Variants in DVL3 observed in about 807,000 individuals in gnomAD.
DVL3 encodes the protein segment polarity protein dishevelled homolog DVL-3.
Under a neutral mutation model 67.4 loss-of-function variants are expected in DVL3, and 27 were observed. The ratio of observed to expected loss-of-function variants is 0.40; its 90% CI spans 0.30 to 0.55. The LOEUF is 0.55. Ranked by LOEUF, DVL3 falls within the 20% of genes least tolerant of loss-of-function variation. The pLI is 0.46. For synonymous variants in DVL3, 369 were observed against 396.8 expected (o/e 0.93, Z 0.83); for missense variants, 819 against 1,021.5 (o/e 0.80, Z 2.70).
chr3:184,166,495 T>C lies in DVL3; in HGVS notation c.953T>C (p.Val318Ala). ...ATGAGTAATGACGATGCAGTCCGGG[T>C]ACTGCGGGAGATTGTGCACAAACCG... is the stretch of plus-strand genomic sequence containing the variant. ...ENMSNDDAVRVLREIVHKPGP... is the reference protein window; with the variant it reads ...ENMSNDDAVRALREIVHKPGP... The change falls in exon 9 of 15, where the codon GTA (valine) becomes GCA (alanine). Residue 318 changes from valine (V) to alanine (A), a missense_variant. Val to Ala is a moderately conservative substitution (Grantham distance 64). Around this residue, in one of 3 missense-constraint regions of DVL3, gnomAD observed 385 missense variants for 486.8 expected, o/e 0.79. Coordinates refer to ENST00000313143, the MANE Select transcript of DVL3 (RefSeq NM_004423.4). This position sits in a 1 kb window ranked among gnomAD's most constrained non-coding sequence, Gnocchi z 6.7. 6.2e-7 allele frequency: 1 copy of C among 1,614,134 alleles called. No homozygotes were observed. Among genetic ancestry groups the C allele is most frequent in the Non-Finnish European group, 8.5e-7 (1 of 1,180,034 alleles).
chr3:184,166,512 C>T lies in DVL3; in HGVS notation c.970C>T (p.His324Tyr). The change falls in exon 9 of 15, where the codon CAC becomes TAC. Residue 324 changes from histidine to tyrosine, a missense_variant. His to Tyr is a moderately conservative substitution (Grantham distance 83, BLOSUM62 2). Around this residue, in one of 3 missense-constraint regions of DVL3, gnomAD observed 385 missense variants for 486.8 expected, o/e 0.79. Transcript: ENST00000313143. The surrounding 1 kb of genome is among the most constrained non-coding windows in gnomAD (Gnocchi z 6.7). ...AGTCCGGGTACTGCGGGAGATTGTGCACAAACCGGGGTATGGATGGAATGG... is the reference window on the plus strand; with the variant it reads ...AGTCCGGGTACTGCGGGAGATTGTGTACAAACCGGGGTATGGATGGAATGG... ...DAVRVLREIV[H>Y]KPGPITLTVA... 6.2e-7 allele frequency: 1 copy of T among 1,614,120 alleles called. No individual in the cohort carries two copies. The highest frequency in any genetic ancestry group is 2.2e-5 in the East Asian group (1 of 44,876).
chr3:184,155,602 C>T lies in DVL3; in HGVS notation c.-34C>T, dbSNP rs1158081307. 4.9e-6 allele frequency: 6 copies of T among 1,234,120 alleles called. No individual in the cohort carries two copies. Among genetic ancestry groups the T allele is most frequent in the Non-Finnish European group, 6.1e-6 (6 of 977,376 alleles). The allele number at this position is 1,234,120 out of a possible 1,614,324, so 76.4% of individuals were successfully genotyped here. The stretch of plus-strand genomic sequence containing the variant: ...GGCTCGGCCCGGCCGCCCGAGCAGG[C>T]CGCGCGCGGGCCGCCGGGCCCGAGG... On this transcript the variant is annotated 5_prime_UTR_variant, in exon 1 of 15. Transcript: ENST00000313143. The surrounding 1 kb of genome is among the most constrained non-coding windows in gnomAD (Gnocchi z 5.4).
chr3:184,164,561 C>G lies in DVL3; in HGVS notation c.423C>G (p.Ala141=). Residue 141 remains alanine (A), a synonymous_variant, in exon 4 of 15, where the codon GCC becomes GCG. Coordinates refer to ENST00000313143, the MANE Select transcript of DVL3 (RefSeq NM_004423.4). This position sits in a 1 kb window ranked among gnomAD's most constrained non-coding sequence, Gnocchi z 5.3. ...NDTETDSLVS[A]QRERPRRRDG... ...CAGAGACGGACTCTTTGGTGTCTGCCCAGCGAGAGCGGCCACGCCGGAGGG... is the reference window on the plus strand; with the variant it reads ...CAGAGACGGACTCTTTGGTGTCTGCGCAGCGAGAGCGGCCACGCCGGAGGG... 1 of 1,570,860 alleles carries G rather than the reference C, an allele frequency of 6.4e-7. No individual in the cohort carries two copies.
At position 184,164,694 on chromosome 3, in the gene DVL3, T is replaced by C; in HGVS notation, c.463+93T>C. 1.3e-6 allele frequency: 2 copies of C among 1,576,396 alleles called. No individual in the cohort carries two copies. The highest frequency in any genetic ancestry group is 1.7e-4 in the Middle Eastern group (1 of 5,880). Reference sequence around the variant, plus strand: ...CACCTTCTTGCCCTACTTCCCGAGCTCAGGATATGCCTGGCCCCAGTGCAG... The same window carrying C: ...CACCTTCTTGCCCTACTTCCCGAGCCCAGGATATGCCTGGCCCCAGTGCAG... On this transcript the variant is annotated intron_variant, in intron 4 of 14. Transcript: ENST00000313143. This position sits in a 1 kb window ranked among gnomAD's most constrained non-coding sequence, Gnocchi z 5.3.
At position 184,170,138 on chromosome 3, in the gene DVL3, C is replaced by G. The variant is rs201330662; in HGVS notation, c.1631C>G (p.Pro544Arg). ...TTCCCGTACCAGTACCCGCCACCCC[C>G]GCACCCATACAACCCGCACCCGGGC... ...MAFPYQYPPPPHPYNPHPGFP... is the reference protein window; with the variant it reads ...MAFPYQYPPPRHPYNPHPGFP... Residue 544 changes from proline to arginine, a missense_variant, in exon 14 of 15, where the codon CCG becomes CGG. Pro to Arg is a moderately radical substitution (Grantham distance 103). Around this residue, in one of 3 missense-constraint regions of DVL3, gnomAD observed 324 missense variants for 331.3 expected, o/e 0.98. Coordinates refer to ENST00000313143, the MANE Select transcript of DVL3 (RefSeq NM_004423.4). This position sits in a 1 kb window ranked among gnomAD's most constrained non-coding sequence, Gnocchi z 6.5. The G allele has an allele frequency of 1.2e-6, 2 of 1,611,682 alleles. No individual in the cohort carries two copies. The highest frequency in any genetic ancestry group is 2.3e-5 in the East Asian group (1 of 43,110).
At position 184,165,210 on chromosome 3, in the gene DVL3, T is replaced by G. The variant is rs756915965; in HGVS notation, c.693+4T>G. 1 of 1,587,732 alleles carries G rather than the reference T, an allele frequency of 6.3e-7. No homozygotes were observed. The highest frequency in any genetic ancestry group is 1.7e-4 in the Middle Eastern group (1 of 5,904). On this transcript the variant is annotated splice_donor_region_variant and intron_variant, in intron 6 of 14. Transcript: ENST00000313143. This position sits in a 1 kb window ranked among gnomAD's most constrained non-coding sequence, Gnocchi z 4.1. ...GAAGGTTTCTCGGATTGAGCGGGTATGGGGTCTGGGAGGCTAGGGATGGGT... is the reference window on the plus strand; with the variant it reads ...GAAGGTTTCTCGGATTGAGCGGGTAGGGGGTCTGGGAGGCTAGGGATGGGT...
intron 1 of DVL3, among the ~76,000 whole-genome samples, chr3:184,158,696 G>T (rs1204630407): frequency 6.6e-6 from 1 of 152,066 alleles, no homozygotes; most frequent in Admixed American, 6.5e-5. Flanking sequence ...GGTGCTAGTT[G>T]TGAGGCTCCT....
intron 13 of DVL3, among the ~76,000 whole-genome samples, chr3:184,169,430 C>T (rs930703304): frequency 6.6e-6 from 1 of 152,162 alleles, no homozygotes. Flanking sequence ...CGCAGTGGCT[C>T]GCGCCTGTAA....
In DVL3 at chr3:184,165,500, G is replaced by A. The variant is rs1255877474; in HGVS notation, c.763+9G>A. 1.2e-6 allele frequency: 2 copies of A among 1,613,316 alleles called. No homozygotes were observed. Among genetic ancestry groups the A allele is most frequent in the East Asian group, 4.5e-5 (2 of 44,884 alleles). On this transcript the variant is annotated intron_variant, in intron 7 of 14. Transcript: ENST00000313143. This position sits in a 1 kb window ranked among gnomAD's most constrained non-coding sequence, Gnocchi z 4.1. ...GGTCACTCTCAACATGGGTGAGTCT[G>A]AGGAAACAGCACTCTCAAGCACCTG...
Position 184,164,798 on chromosome 3 carries a change from A to G in DVL3, c.466A>G (p.Thr156Ala), listed in dbSNP as rs201932377. ...CCAACTGCTTCCATCCCCTGCAGCA[A>G]CCCGGCTAAATGGAACTGCGAAGGG... is the stretch of plus-strand genomic sequence containing the variant. ...PRRRDGPEHA[T>A]RLNGTAKGER... is the part of the protein sequence containing the mutation. The change falls in exon 5 of 15, where the codon ACC (threonine) becomes GCC (alanine). Residue 156 changes from threonine to alanine, a missense_variant and splice_region_variant. By Grantham distance (58) the Thr-to-Ala change is moderately conservative (BLOSUM62 0). Around this residue, in one of 3 missense-constraint regions of DVL3, gnomAD observed 385 missense variants for 486.8 expected, o/e 0.79. Transcript: ENST00000313143. This position sits in a 1 kb window ranked among gnomAD's most constrained non-coding sequence, Gnocchi z 5.3. The G allele has an allele frequency of 1.2e-5, 19 of 1,614,068 alleles. No homozygotes were observed. The highest frequency in any genetic ancestry group is 1.4e-5 in the Non-Finnish European group (17 of 1,180,014).
chr3:184,171,650 A>G lies in DVL3; in HGVS notation c.*895A>G. On this transcript the variant is annotated 3_prime_UTR_variant, in exon 15 of 15. Coordinates refer to ENST00000313143, the MANE Select transcript of DVL3 (RefSeq NM_004423.4). ...CCGAGGAGACCAGGAACCCTGCTTC[A>G]GCAGCCCCTCAGGGCTTCCCAAGGA... 1 of 964,716 alleles carries G rather than the reference A, an allele frequency of 1.0e-6. No homozygotes were observed. The highest frequency in any genetic ancestry group is 4.8e-5 in the South Asian group (1 of 20,854). The allele number at this position is 964,716 out of a possible 1,614,324, so 59.8% of individuals were successfully genotyped here. A position where few individuals can be genotyped will look rare whatever the true frequency, so the allele number is the denominator to read the frequency against.
rs771353602 is a variant in DVL3 at position 184,164,641 on chromosome 3, C to G, written c.463+40C>G. 1.9e-6 allele frequency: 3 copies of G among 1,549,350 alleles called. No individual in the cohort carries two copies. Among genetic ancestry groups the G allele is most frequent in the South Asian group, 2.5e-5 (2 of 80,878 alleles). On this transcript the variant is annotated intron_variant, in intron 4 of 14. Transcript: ENST00000313143. This position sits in a 1 kb window ranked among gnomAD's most constrained non-coding sequence, Gnocchi z 5.3. ...ACACGGACACTGTCCGCACCTCACA[C>G]CCTCCCCTCACTTTCCACCCAGCTA...
rs202225705 is a variant in DVL3 at position 184,164,848 on chromosome 3, T to G, written c.516T>G (p.Gly172=). Residue 172 remains glycine, a synonymous_variant, in exon 5 of 15, where the codon GGT becomes GGG. Transcript: ENST00000313143. The surrounding 1 kb of genome is among the most constrained non-coding windows in gnomAD (Gnocchi z 5.3). The stretch of plus-strand genomic sequence containing the variant: ...GGGAACGGCGGCGAGAACCAGGGGG[T>G]TATGATAGCTCATCCACCCTTATGA... ...AKGERRREPG[G]YDSSSTLMSS... 2.4e-5 allele frequency: 38 copies of G among 1,613,696 alleles called. No homozygotes were observed. Among genetic ancestry groups the G allele is most frequent in the Non-Finnish European group, 3.2e-5 (38 of 1,179,952 alleles).
rs754987402 is a variant in DVL3 at position 184,164,756 on chromosome 3, C to T, written c.464-40C>T. The T allele has an allele frequency of 3.7e-6, 6 of 1,613,784 alleles. No homozygotes were observed. The South Asian group carries it at 6.6e-5, about 18-fold the overall frequency. ...CCTCTCTCCCTCCTTCACCCCTGCA[C>T]TGGGCACTGTGTAAACCCAACTGCT... On this transcript the variant is annotated intron_variant, in intron 4 of 14. Coordinates refer to ENST00000313143, the MANE Select transcript of DVL3 (RefSeq NM_004423.4). The surrounding 1 kb of genome is among the most constrained non-coding windows in gnomAD (Gnocchi z 5.3).
In DVL3 at chr3:184,167,923, C is replaced by T; in HGVS notation, c.1356C>T (p.Tyr452=). 6.2e-7 allele frequency: 1 copy of T among 1,614,284 alleles called. No individual in the cohort carries two copies. Among genetic ancestry groups the T allele is most frequent in the Non-Finnish European group, 8.5e-7 (1 of 1,180,050 alleles). The change falls in exon 13 of 15, where the codon TAC becomes TAT. Residue 452 remains tyrosine, a synonymous_variant. Transcript: ENST00000313143. The surrounding 1 kb of genome is among the most constrained non-coding windows in gnomAD (Gnocchi z 4.6). The stretch of plus-strand genomic sequence containing the variant: ...GCTCAGATGTGGTGGACTGGCTGTA[C>T]CACAATGTGGAAGGCTTCACGGACC... ...FIGSDVVDWL[Y]HNVEGFTDRR...
At position 184,155,764 on chromosome 3, in the gene DVL3, GTTC is replaced by G. The variant is rs748722318; in HGVS notation, c.136_138del (p.Phe46del). ...GCGTTTTGCAGCGACCCAGCTATAA[GTTC>G]TTCTTCAAGTCTATGGACGACGATT... is the stretch of plus-strand genomic sequence containing the variant. On this transcript the variant is annotated inframe_deletion, in exon 1 of 15. Coordinates refer to ENST00000313143, the MANE Select transcript of DVL3 (RefSeq NM_004423.4). The surrounding 1 kb of genome is among the most constrained non-coding windows in gnomAD (Gnocchi z 5.4). 3.1e-6 allele frequency: 5 copies of G among 1,612,912 alleles called. No individual in the cohort carries two copies. Among genetic ancestry groups the G allele is most frequent in the South Asian group, 2.2e-5 (2 of 91,072 alleles).
chr3:184,161,742 C>G (rs1317820549), intron 1 of DVL3, among the ~76,000 whole-genome samples: 1 of 152,182 alleles, frequency 6.6e-6, no homozygotes, highest in Non-Finnish European at 1.5e-5. Flanking sequence ...CACATAGACC[C>G]ACATTACCTC....
Position 184,164,920 on chromosome 3 carries a change from C to T in DVL3, c.588C>T (p.Asp196=), listed in dbSNP as rs780967881. The change falls in exon 5 of 15, where the codon GAC becomes GAT. Residue 196 remains aspartate, a synonymous_variant. Coordinates refer to ENST00000313143, the MANE Select transcript of DVL3 (RefSeq NM_004423.4). This position sits in a 1 kb window ranked among gnomAD's most constrained non-coding sequence, Gnocchi z 5.3. ...TTSFFDSDED[D]STSRFSSSTE... The stretch of plus-strand genomic sequence containing the variant: ...GCTTCTTTGACTCAGATGAGGATGA[C>T]TCCACCAGCAGGTGGGGCTTGAGTT... 6.2e-7 allele frequency: 1 copy of T among 1,614,198 alleles called. No individual in the cohort carries two copies. Among genetic ancestry groups the T allele is most frequent in the South Asian group, 1.1e-5 (1 of 91,090 alleles).
rs1219339450 is a variant in DVL3, at chr3:184,173,094, C to T, written c.*2339C>T. ...TTCCCAAATACATAGCTCCAACCCC[C>T]AACTTCCCCCAGACTTTAGATCTGT... On this transcript the variant is annotated 3_prime_UTR_variant, in exon 15 of 15. Transcript: ENST00000313143. The T allele has an allele frequency of 1.3e-5, 2 of 152,466 alleles. No individual in the cohort carries two copies. The highest frequency in any genetic ancestry group is 2.4e-5 in the African/African-American group (1 of 41,456). 9.4% of individuals were successfully genotyped at this position (152,466 alleles called of 1,614,324 possible).
Sources: allele counts gnomAD v4.1 joint callset (sites outside exome capture counted in the v4.1 genomes callset), GRCh38; gene constraint gnomAD v4.1.1; regional missense constraint gnomAD v4.1.1; non-coding constraint Gnocchi (gnomAD v3.1); transcripts MANE v1.5; gene names NCBI Gene and HGNC (gene_info 2026-07-23, HGNC 2026-07-21).